NMRAL1: variants seen among roughly 807,000 people sequenced by gnomAD.
The protein encoded by NMRAL1 is NmrA like redox sensor 1.
In NMRAL1, 32 loss-of-function variants were observed where a neutral mutation model predicts 27.5. The observed-to-expected ratio is 1.16, with a 90% CI of 0.88 to 1.56. The LOEUF is 1.56. Among genes scored for constraint, NMRAL1 ranks in the 40% most tolerant of loss-of-function variants. NMRAL1 has a pLI of 0.00. For synonymous variants in NMRAL1, 166 were observed against 166.8 expected (o/e 1.00, Z 0.04); for missense variants, 420 against 392.0 (o/e 1.07, Z -0.60).
rs536351175 is a variant in NMRAL1 at position 4,474,400 on chromosome 16, C to G, written c.-35+154G>C. ...GGTTCCAGTCACCCGCCCCCCGGCC[C>G]GGGTCCCACCGGCTGGAGTGACCTC... On this transcript the variant is annotated intron_variant, in intron 1 of 5. Transcript: ENST00000283429. 3 of 469,650 alleles carry G rather than the reference C, an allele frequency of 6.4e-6. No homozygotes were observed. In the South Asian group the frequency reaches 7.8e-5, roughly 12 times the overall value. The allele number at this position is 469,650 out of a possible 1,614,324, so 29.1% of individuals were successfully genotyped here.
At position 4,466,303 on chromosome 16, in the gene NMRAL1, C is replaced by G. The variant is rs751342170; in HGVS notation, c.379G>C (p.Ala127Pro). Residue 127 changes from alanine to proline, a missense_variant, in exon 4 of 6, where the codon GCC becomes CCC. By Grantham distance (27) the Ala-to-Pro change is conservative. Transcript: ENST00000283429. The stretch of plus-strand genomic sequence containing the variant: ...TCCCCTTTGCCGTCAAAGTGCGCGG[C>G]GGCCAATCTCCCTGCCGTCAGCTTC... ...IKKLTAGRLAAAHFDGKGEVE... is the reference protein window; with the variant it reads ...IKKLTAGRLAPAHFDGKGEVE... 1.2e-6 allele frequency: 2 copies of G among 1,614,002 alleles called. No homozygotes were observed. Among genetic ancestry groups the G allele is most frequent in the Non-Finnish European group, 1.7e-6 (2 of 1,180,040 alleles).
At chr16:4,464,614 T>G (rs1265517387) in intron 4 of NMRAL1, among the ~76,000 whole-genome samples, 1 of 146,566 alleles carries the variant, frequency 6.8e-6, no homozygotes, top group Non-Finnish European at 1.5e-5. Context: ...ACTGCAGGTT[T>G]TTTTTTTTTT....
chr16:4,464,643 C>G (rs1383122355), intron 4 of NMRAL1, among the ~76,000 whole-genome samples: 12 of 139,466 alleles, frequency 8.6e-5, no homozygotes, highest in African/African-American at 3.4e-4. Flanking sequence ...GAGATGGAGT[C>G]TCGCTCTGTC....
intron 2 of NMRAL1, among the ~76,000 whole-genome samples, chr16:4,470,839 C>T (rs543300282): frequency 5.4e-4 from 82 of 151,578 alleles, no homozygotes; most frequent in African/African-American, 1.9e-3. Flanking sequence ...CCCAGCTACT[C>T]GGGAGACTGA....
intron 4 of NMRAL1, among the ~76,000 whole-genome samples, chr16:4,465,879 T>A (rs1315636725): frequency 1.3e-5 from 2 of 152,132 alleles, no homozygotes; most frequent in Non-Finnish European, 2.9e-5. Flanking sequence ...AATCACTAGG[T>A]CCTCTCTGTA....
rs1340019701 is a variant in NMRAL1 at position 4,466,266 on chromosome 16, T to C, written c.416A>G (p.Tyr139Cys). Residue 139 changes from tyrosine (Y) to cysteine (C), a missense_variant, in exon 4 of 6, where the codon TAT (tyrosine) becomes TGT (cysteine). Physicochemically the swap from Tyr to Cys is radical, Grantham distance 194 (BLOSUM62 -2). Coordinates refer to ENST00000283429, the MANE Select transcript of NMRAL1 (RefSeq NM_020677.6). The part of the protein sequence containing the change: ...HFDGKGEVEE[Y>C]FRDIGVPMTS... The stretch of plus-strand genomic sequence containing the variant: ...CATGGGAACGCCAATGTCCCGGAAA[T>C]ATTCCTCCACCTCCCCTTTGCCGTC... 6.2e-7 allele frequency: 1 copy of C among 1,613,996 alleles called. No homozygotes were observed. Among genetic ancestry groups the C allele is most frequent in the South Asian group, 1.1e-5 (1 of 91,082 alleles).
At chr16:4,469,185 C>T (rs2057450019) in intron 3 of NMRAL1, 42 bp downstream of exon 3, 1 of 1,439,212 alleles carries the variant, frequency 6.9e-7, no homozygotes, top group Admixed American at 1.7e-5. Flanking sequence ...CGCTCTGCTC[C>T]TAGCCTGGCC....
chr16:4,474,408 A>C, intron 1 of NMRAL1, 146 bp downstream of exon 1: 1 of 463,524 alleles, frequency 2.2e-6, no homozygotes, highest in Non-Finnish European at 3.9e-6. Context: ...CCCGGGTCCC[A>C]CCGGCTGGAG....
chr16:4,463,973 G>C, intron 4 of NMRAL1, 123 bp from the exon 5 acceptor site: 1 of 680,122 alleles, frequency 1.5e-6, no homozygotes, highest in South Asian at 2.0e-5. Context: ...CAGCACTCGG[G>C]CATAGCTAAG....
chr16:4,462,016 G>T (rs2057132792), intron 5 of NMRAL1, 57 bp from the exon 6 acceptor site: 3 of 1,485,220 alleles, frequency 2.0e-6, no homozygotes, highest in African/African-American at 2.8e-5. Context: ...GGAGGTGGCG[G>T]GGCAGGGAGG....
chr16:4,464,196 T>C, intron 4 of NMRAL1: 2 of 338,042 alleles, frequency 5.9e-6, no homozygotes, highest in Non-Finnish European at 1.1e-5. Context: ...CTCTGAAAGC[T>C]GCTACAGAGA....
intron 2 of NMRAL1, among the ~76,000 whole-genome samples, chr16:4,470,279 G>A (rs897284070): frequency 1.3e-5 from 2 of 148,700 alleles, no homozygotes; most frequent in Admixed American, 6.8e-5. Flanking sequence ...AGAACAGCCC[G>A]ACCAACATGG....
intron 4 of NMRAL1, among the ~76,000 whole-genome samples, chr16:4,465,033 G>A (rs968696899): frequency 1.3e-5 from 2 of 151,652 alleles, no homozygotes; most frequent in African/African-American, 2.4e-5. Context: ...TCAGCCTCCC[G>A]AGTAGCTGGG....
chr16:4,465,334 C>T (rs535660455), intron 4 of NMRAL1, among the ~76,000 whole-genome samples: 8 of 152,148 alleles, frequency 5.3e-5, no homozygotes, highest in Non-Finnish European at 1.2e-4. Flanking sequence ...GGCATTCAAC[C>T]AGAGGGTAAG....
chr16:4,472,543 G>A (rs948290423), intron 2 of NMRAL1, among the ~76,000 whole-genome samples: 1 of 152,124 alleles, frequency 6.6e-6, no homozygotes, highest in African/African-American at 2.4e-5. Flanking sequence ...TCAGGAGTTT[G>A]AGACCAGCCT....
chr16:4,469,493 G>C (rs2057466472), intron 2 of NMRAL1, 28 bp from the exon 3 acceptor site: 6 of 1,610,336 alleles, frequency 3.7e-6, no homozygotes, highest in South Asian at 3.3e-5. Flanking sequence ...GACCTCTCAG[G>C]TCAGACCTAC....
intron 3 of NMRAL1, among the ~76,000 whole-genome samples, chr16:4,468,162 C>T (rs2057401670): frequency 6.6e-6 from 1 of 151,594 alleles, no homozygotes; most frequent in African/African-American, 2.4e-5. Flanking sequence ...ATTACCAGGG[C>T]ATGGTGACGC....
intron 3 of NMRAL1, among the ~76,000 whole-genome samples, chr16:4,467,701 C>T (rs895973137): frequency 6.6e-6 from 1 of 151,632 alleles, no homozygotes; most frequent in Non-Finnish European, 1.5e-5. Context: ...CTCACTGCAA[C>T]CTCCGCCTCT....
At chr16:4,469,072 ACAG>A (rs2057446046) in intron 3 of NMRAL1, among the ~76,000 whole-genome samples, 152 bp downstream of exon 3, 1 of 152,114 alleles carries the variant, frequency 6.6e-6, no homozygotes, top group African/African-American at 2.4e-5. Context: ...TGAGAAAGCA[ACAG>A]CGTCCACCTG....
Sources: gnomAD v4.1 joint callset for allele counts (sites outside exome capture counted in the v4.1 genomes callset) on GRCh38, gnomAD v4.1.1 for gene constraint, MANE v1.5 for transcripts, NCBI Gene and HGNC (gene_info 2026-07-23, HGNC 2026-07-21) for gene names.